TYW1: variants seen among roughly 807,000 people sequenced by gnomAD.
The protein encoded by TYW1 is S-adenosyl-L-methionine-dependent tRNA 4-demethylwyosine synthase TYW1.
TYW1 carries 46 observed loss-of-function variants against 96.2 expected under a neutral mutation model. The ratio of observed to expected loss-of-function variants is 0.48; its 90% CI spans 0.38 to 0.61. The LOEUF (loss-of-function observed/expected upper bound fraction) is 0.61. Among genes scored for constraint, TYW1 ranks in the 20% least tolerant of loss-of-function variants. The pLI, the probability that TYW1 is intolerant of heterozygous loss-of-function variation, is 0.00. For missense variants in TYW1, 684 were observed against 909.6 expected (o/e 0.75, Z 3.19); for synonymous variants, 274 against 323.0 (o/e 0.85, Z 1.63).
intron 6 of TYW1, 39 bp from the exon 7 acceptor site, chr7:67,024,861 C>G (rs747901367): frequency 1.2e-6 from 2 of 1,609,570 alleles, no homozygotes; most frequent in East Asian, 2.2e-5. Context: ...TTGCCTTTGC[C>G]CCTTTGAACA....
At chr7:66,997,831 G>A (rs558000316) in intron 1 of TYW1, among the ~76,000 whole-genome samples, 11 of 148,878 alleles carry the variant, frequency 7.4e-5, no homozygotes, top group African/African-American at 2.3e-4. Context: ...GTTTCACCAT[G>A]TTGGCCAGGC....
At chr7:67,191,145 G>C (rs1800203492) in intron 14 of TYW1, among the ~76,000 whole-genome samples, 1 of 152,138 alleles carries the variant, frequency 6.6e-6, no homozygotes, top group Admixed American at 6.5e-5. Context: ...GAGAAAGAGA[G>C]ACAGACGGAC....
chr7:67,153,559 T>C (rs1798869929), intron 13 of TYW1, among the ~76,000 whole-genome samples: 1 of 152,244 alleles, frequency 6.6e-6, no homozygotes, highest in African/African-American at 2.4e-5. Context: ...ATGTATAATG[T>C]AGTCTGTTTT....
chr7:67,062,872 A>C (rs1266200276), intron 9 of TYW1, among the ~76,000 whole-genome samples: 1 of 152,224 alleles, frequency 6.6e-6, no homozygotes, highest in Non-Finnish European at 1.5e-5. Flanking sequence ...CCAAATATTT[A>C]ATGAAGAATT....
chr7:67,094,360 A>G (rs572371168), intron 11 of TYW1, among the ~76,000 whole-genome samples: 6 of 152,194 alleles, frequency 3.9e-5, no homozygotes, highest in South Asian at 2.1e-4. Flanking sequence ...TCCTTTGGTT[A>G]GATACCCGGT....
At chr7:67,091,444 T>C (rs140931252) in intron 11 of TYW1, among the ~76,000 whole-genome samples, 9,135 of 149,548 alleles carry the variant, frequency 0.061, 405 homozygotes, top group South Asian at 0.11. Context: ...GGGATAGCAT[T>C]AGGAGATACA....
Position 67,098,684 on chromosome 7 carries a change from C to G in TYW1, c.1528C>G (p.Leu510Val). The change falls in exon 12 of 16, where the codon CTG (leucine) becomes GTG (valine). Residue 510 changes from leucine (L) to valine (V), a missense_variant. By Grantham distance (32) the Leu-to-Val change is conservative. Coordinates refer to ENST00000359626, the MANE Select transcript of TYW1 (RefSeq NM_018264.4). ...CCACCAGTGTAAAATTTCCAGCTTC[C>G]TGGTCACAAACGCACAATTTCCTGC... Reference protein sequence around the residue: ...LLHQCKISSFLVTNAQFPAEI... With the variant: ...LLHQCKISSFVVTNAQFPAEI... 1 of 1,614,132 alleles carries G rather than the reference C, an allele frequency of 6.2e-7. No homozygotes were observed. Among genetic ancestry groups the G allele is most frequent in the Non-Finnish European group, 8.5e-7 (1 of 1,179,990 alleles).
At chr7:67,018,289 C>T in intron 6 of TYW1, 146 bp downstream of exon 6, 1 of 1,163,254 alleles carries the variant, frequency 8.6e-7, no homozygotes, top group Non-Finnish European at 1.2e-6. Context: ...TTGTAATCCC[C>T]ACACTTTGGG....
At position 67,107,615 on chromosome 7, in the gene TYW1, C is replaced by T. The variant is rs562028746; in HGVS notation, c.1562+8897C>T. 1.1e-4 allele frequency among the ~76,000 whole-genome samples: 16 copies of T among 152,058 alleles called. No homozygotes were observed. The South Asian group carries it at 3.1e-3, about 30-fold the overall frequency. The stretch of plus-strand genomic sequence containing the variant: ...TAATGACTGCCTTATGGTGGCATTG[C>T]GAGTATGTGAGATAAGACATGAAAC... On this transcript the variant is annotated intron_variant, in intron 12 of 15. Transcript: ENST00000359626.
At chr7:67,224,006 A>T (rs1037970250) in intron 15 of TYW1, among the ~76,000 whole-genome samples, 3 of 151,990 alleles carry the variant, frequency 2.0e-5, no homozygotes, top group African/African-American at 4.8e-5. Context: ...GGATATTTTT[A>T]AAATTTATAC....
At position 67,109,273 on chromosome 7, in the gene TYW1, CAAAAAAA is replaced by C. The variant is rs1203625487; in HGVS notation, c.1563-8194_1563-8188del. Among the ~76,000 whole-genome samples the C allele has an allele frequency of 8.1e-5, 4 of 49,092 alleles. No individual in the cohort carries two copies. In the South Asian group the frequency reaches 2.2e-3, roughly 27 times the overall value. The allele number at this position is 49,092 out of a possible 152,430, so 32.2% of individuals were successfully genotyped here. On this transcript the variant is annotated intron_variant, in intron 12 of 15. Transcript: ENST00000359626. ...TCAGCAAAAGAGCGAGACTCCGTCT[CAAAAAAA>C]AAAAAAAAAAAAAAAGAAAGAAAAT... is the stretch of plus-strand genomic sequence containing the variant.
chr7:67,098,182 G>A (rs139803710), intron 11 of TYW1, among the ~76,000 whole-genome samples: 4,946 of 152,256 alleles, frequency 0.032, 256 homozygotes, highest in African/African-American at 0.11. Flanking sequence ...TGGTCTAGAA[G>A]AAGCTTGTTC....
At position 67,166,332 on chromosome 7, in the gene TYW1, A is replaced by ATATATATAATATATAATATATATATT. The variant is rs1491143794; in HGVS notation, c.1699-16794_1699-16793insTATATATAATATATAATATATATATT. 1.7e-4 allele frequency among the ~76,000 whole-genome samples: 19 copies of ATATATATAATATATAATATATATATT among 109,422 alleles called. 1 individual carries two copies. Among genetic ancestry groups the ATATATATAATATATAATATATATATT allele is most frequent in the Non-Finnish European group, 1.8e-4 (9 of 49,770 alleles). 71.8% of individuals were successfully genotyped at this position (109,422 alleles called of 152,430 possible). On this transcript the variant is annotated intron_variant, in intron 13 of 15. Coordinates refer to ENST00000359626, the MANE Select transcript of TYW1 (RefSeq NM_018264.4). ...TTTATATATAATATATAACATATATAATATATATAATATATAATTATATAT... is the reference window on the plus strand; with the variant it reads ...TTTATATATAATATATAACATATATATATATATAATATATAATATATATATTATATATATAATATATAATTATATAT...
chr7:67,017,969 C>T lies in TYW1; in HGVS notation c.687C>T (p.Phe229=). 2 of 1,614,112 alleles carry T rather than the reference C, an allele frequency of 1.2e-6. No individual in the cohort carries two copies. Among genetic ancestry groups the T allele is most frequent in the East Asian group, 2.2e-5 (1 of 44,878 alleles). Residue 229 remains phenylalanine (F), a synonymous_variant, in exon 6 of 16, where the codon TTC becomes TTT. Coordinates refer to ENST00000359626, the MANE Select transcript of TYW1 (RefSeq NM_018264.4). ...AGCACGGCAGCATTGAGGCCGACTT[C>T]AGAGCATGGAAGACCAAGTTCATCT... is the stretch of plus-strand genomic sequence containing the variant. ...KSKHGSIEAD[F]RAWKTKFISQ...
intron 11 of TYW1, among the ~76,000 whole-genome samples, chr7:67,090,307 G>T (rs1371446065): frequency 3.3e-5 from 5 of 152,096 alleles, no homozygotes; most frequent in Non-Finnish European, 7.4e-5. Context: ...AAGATTTTTG[G>T]CCAGGAACTG....
chr7:66,997,237 C>T (rs977050150), intron 1 of TYW1, among the ~76,000 whole-genome samples: 5 of 152,112 alleles, frequency 3.3e-5, no homozygotes, highest in African/African-American at 1.2e-4. Flanking sequence ...ACTTTTGCAC[C>T]TGTAAAGCCT....
rs1796993557 is a variant in TYW1 at position 67,098,642 on chromosome 7, A to G, written c.1486A>G (p.Arg496Gly). Reference protein sequence around the residue: ...GEPIMYPEINRFLKLLHQCKI... With the variant: ...GEPIMYPEINGFLKLLHQCKI... ...ACCAATAATGTACCCAGAGATCAAC[A>G]GGTTTTTGAAGCTACTCCACCAGTG... is the stretch of plus-strand genomic sequence containing the variant. The change falls in exon 12 of 16, where the codon AGG (arginine) becomes GGG (glycine). Residue 496 changes from arginine to glycine, a missense_variant. Arg to Gly is a moderately radical substitution (Grantham distance 125). Transcript: ENST00000359626. 1.9e-6 allele frequency: 3 copies of G among 1,613,932 alleles called. No homozygotes were observed. Among genetic ancestry groups the G allele is most frequent in the Non-Finnish European group, 2.5e-6 (3 of 1,179,996 alleles).
chr7:67,024,828 G>A (rs950881704), intron 6 of TYW1, 72 bp from the exon 7 acceptor site: 151 of 1,578,226 alleles, frequency 9.6e-5, no homozygotes, highest in Non-Finnish European at 1.2e-4. Context: ...AATTCTCAGT[G>A]TGGGAGGGAG....
chr7:67,134,875 A>C (rs187402332), intron 13 of TYW1, among the ~76,000 whole-genome samples: 88 of 147,538 alleles, frequency 6.0e-4, no homozygotes, highest in African/African-American at 2.1e-3. Context: ...TGGGAGGCCA[A>C]GGTGGGAGGA....
Sources: allele counts gnomAD v4.1 joint callset (sites outside exome capture counted in the v4.1 genomes callset), GRCh38; gene constraint gnomAD v4.1.1; transcripts MANE v1.5; gene names NCBI Gene and HGNC (gene_info 2026-07-23, HGNC 2026-07-21).